GOLGA1: variants seen among roughly 807,000 people sequenced by gnomAD.
The protein encoded by GOLGA1 is golgin subfamily A member 1.
A neutral mutation model predicts 119.7 loss-of-function variants in GOLGA1; 63 were observed. The observed-to-expected ratio is 0.53, with a 90% confidence interval of 0.43 to 0.65. GOLGA1 has a LOEUF of 0.65. Among genes scored for constraint, GOLGA1 ranks in the 30% least tolerant of loss-of-function variants. GOLGA1 has a pLI of 0.00. For synonymous variants in GOLGA1, 318 were observed against 333.4 expected (o/e 0.95, Z 0.50); for missense variants, 798 against 912.8 (o/e 0.87, Z 1.62).
Position 124,889,254 on chromosome 9 carries a change from C to T in GOLGA1, c.1650G>A (p.Glu550=), listed in dbSNP as rs1829799686. 6.2e-7 allele frequency: 1 copy of T among 1,613,886 alleles called. No individual in the cohort carries two copies. The stretch of plus-strand genomic sequence containing the variant: ...CCTCCGCCTTGAGGGTCCTCAGGGC[C>T]TCCAGCTCGGCCTGCAGCTGGTGTA... ...LQIHQLQAEL[E]ALRTLKAEEA... The change falls in exon 18 of 23, where the codon GAG becomes GAA. Residue 550 remains glutamate, a synonymous_variant. Transcript: ENST00000373555.
At chr9:124,897,629 C>T (rs1248646967) in intron 15 of GOLGA1, among the ~76,000 whole-genome samples, 1 of 152,212 alleles carries the variant, frequency 6.6e-6, no homozygotes, top group African/African-American at 2.4e-5. Context: ...GCGTGAGCCA[C>T]CGCACTGGCT....
intron 12 of GOLGA1, among the ~76,000 whole-genome samples, chr9:124,901,664 T>TGACCTCGTGATCCGCC (rs1185970957): frequency 2.0e-5 from 3 of 152,144 alleles, no homozygotes; most frequent in African/African-American, 7.2e-5. Context: ...CTCGATCTGC[T>TGACCTCGTGATCCGCC]GACCTCGTGA....
chr9:124,880,569 G>T lies in GOLGA1; in HGVS notation c.2265C>A (p.Ile755=), dbSNP rs1460828960. 6.2e-7 allele frequency: 1 copy of T among 1,611,442 alleles called. No individual in the cohort carries two copies. The highest frequency in any genetic ancestry group is 8.5e-7 in the Non-Finnish European group (1 of 1,177,708). Residue 755 remains isoleucine, a synonymous_variant, in exon 23 of 23, where the codon ATC becomes ATA. Transcript: ENST00000373555. ...TCCGAGGGTTTGAGATAGACGGCCG[G>T]ATGCTGCCCTTGGGAGCTGGTTTGG... ...FGSKPAPKGS[I]RPSISNPRIP...
chr9:124,890,522 T>A (rs1037741578), intron 15 of GOLGA1, 44 bp from the exon 16 acceptor site: 1 of 1,438,542 alleles, frequency 7.0e-7, no homozygotes, highest in Non-Finnish European at 9.8e-7. Flanking sequence ...TAGTTCACAG[T>A]TTTTTAGCTG....
intron 10 of GOLGA1, among the ~76,000 whole-genome samples, chr9:124,914,558 T>C (rs1830404130): frequency 6.6e-6 from 1 of 152,060 alleles, no homozygotes; most frequent in Admixed American, 6.6e-5. Context: ...TGGAGAACAT[T>C]ACCTGATTTC....
At chr9:124,909,376 C>G (rs914598139) in intron 11 of GOLGA1, among the ~76,000 whole-genome samples, 1 of 151,114 alleles carries the variant, frequency 6.6e-6, no homozygotes, top group Non-Finnish European at 1.5e-5. Context: ...GGGAAGCCGA[C>G]GTGGACAGAT....
At chr9:124,938,501 T>G in intron 3 of GOLGA1, 76 bp downstream of exon 3, 1 of 1,221,786 alleles carries the variant, frequency 8.2e-7, no homozygotes, top group Non-Finnish European at 1.2e-6. Context: ...AGGTATGAAA[T>G]AATCAAGCAA....
chr9:124,926,747 A>C lies in GOLGA1; in HGVS notation c.400-6T>G. The C allele has an allele frequency of 6.5e-7, 1 of 1,533,590 alleles. No individual in the cohort carries two copies. The highest frequency in any genetic ancestry group is 9.0e-7 in the Non-Finnish European group (1 of 1,115,308). The allele number at this position is 1,533,590 out of a possible 1,614,324, so 95.0% of individuals were successfully genotyped here. On this transcript the variant is annotated splice_region_variant and splice_polypyrimidine_tract_variant and intron_variant, in intron 6 of 22. Transcript: ENST00000373555. ...TCCATCTTTTCTGACCATTCCTAAA[A>C]CAAAACAATAAAAAAGTATGGTTTC...
In GOLGA1 at chr9:124,881,834, C is replaced by T. The variant is rs1378718324; in HGVS notation, c.2086G>A (p.Glu696Lys). The change falls in exon 21 of 23, where the codon GAG becomes AAG. Residue 696 changes from glutamate to lysine, a missense_variant. Physicochemically the swap from Glu to Lys is moderately conservative, Grantham distance 56. Coordinates refer to ENST00000373555, the MANE Select transcript of GOLGA1 (RefSeq NM_002077.4). This position sits in a 1 kb window ranked among gnomAD's most constrained non-coding sequence, Gnocchi z 4.9. ...DLTDAREINF[E>K]YLKHVVLKFM... ...TTTAAAACCACATGTTTAAGGTACT[C>T]AAAGTTGATCTCGCGGGCATCTGTC... The T allele has an allele frequency of 1.9e-6, 3 of 1,613,256 alleles. No homozygotes were observed. The highest frequency in any genetic ancestry group is 1.7e-5 in the Admixed American group (1 of 59,804).
At chr9:124,914,328 T>A (rs1469440259) in intron 10 of GOLGA1, among the ~76,000 whole-genome samples, 3 of 151,990 alleles carry the variant, frequency 2.0e-5, no homozygotes, top group African/African-American at 7.3e-5. Flanking sequence ...AAACCCCATC[T>A]CTACTAAAAA....
At chr9:124,919,506 A>G (rs369673709) in intron 10 of GOLGA1, among the ~76,000 whole-genome samples, 10 of 152,232 alleles carry the variant, frequency 6.6e-5, no homozygotes, top group Admixed American at 6.5e-4. Flanking sequence ...GTGCAGTAGA[A>G]TAAGCATGAG....
Position 124,880,242 on chromosome 9 carries a change from A to C in GOLGA1, c.*288T>G. The C allele has an allele frequency of 3.7e-6, 1 of 273,368 alleles. No homozygotes were observed. The highest frequency in any genetic ancestry group is 7.3e-6 in the Non-Finnish European group (1 of 137,564). 16.9% of individuals were successfully genotyped at this position (273,368 alleles called of 1,614,324 possible). On this transcript the variant is annotated 3_prime_UTR_variant, in exon 23 of 23. Transcript: ENST00000373555. ...GTAAGTGCTACCGTGAAGTTAGAGG[A>C]TTCAGGTGCAGATGGGGTGCTGGCT...
At chr9:124,922,014 G>A in intron 8 of GOLGA1, 122 bp from the exon 9 acceptor site, 1 of 790,898 alleles carries the variant, frequency 1.3e-6, no homozygotes, top group Non-Finnish European at 2.1e-6. Context: ...GATCACTTGA[G>A]GTCAGGAGTT....
At position 124,888,665 on chromosome 9, in the gene GOLGA1, C is replaced by T. The variant is rs1829781829; in HGVS notation, c.1762-269G>A. On this transcript the variant is annotated intron_variant, in intron 18 of 22. Transcript: ENST00000373555. This position sits in a 1 kb window ranked among gnomAD's most constrained non-coding sequence, Gnocchi z 4.4. ...TGATGGGCTCTTCAGGACTCATGGC[C>T]TCCTAGCCATATGAGTGCCCTACTT... Among the ~76,000 whole-genome samples the T allele has an allele frequency of 1.3e-5, 2 of 152,136 alleles. No homozygotes were observed. The highest frequency in any genetic ancestry group is 6.5e-5 in the Admixed American group (1 of 15,272).
rs758320658 is a variant in GOLGA1 at position 124,921,746 on chromosome 9, G to C, written c.708C>G (p.His236Gln). Residue 236 changes from histidine to glutamine, a missense_variant, in exon 9 of 23, where the codon CAC becomes CAG. Transcript: ENST00000373555. ...ACCTCTGCTCTTCCAGCGTTGAGTA[G>C]TGTCTCTGCAATTCTTCTAGCTTCT... ...LSQKLEELQR[H>Q]YSTLEEQRDH... 10 of 1,613,754 alleles carry C rather than the reference G, an allele frequency of 6.2e-6. No homozygotes were observed. The highest frequency in any genetic ancestry group is 1.3e-5 in the African/African-American group (1 of 74,922).
chr9:124,921,787 A>C lies in GOLGA1; in HGVS notation c.667T>G (p.Ser223Ala). Residue 223 changes from serine (S) to alanine (A), a missense_variant, in exon 9 of 23, where the codon TCA (serine) becomes GCA (alanine). Ser to Ala is a moderately conservative substitution (Grantham distance 99). Transcript: ENST00000373555. ...QEELMNSNQM[S>A]SDLSQKLEEL... Reference sequence around the variant, plus strand: ...TCTAGCTTCTGGCTTAAGTCTGATGACATCTGATTGGAGTTCATCAACTCC... The same window carrying C: ...TCTAGCTTCTGGCTTAAGTCTGATGCCATCTGATTGGAGTTCATCAACTCC... The C allele has an allele frequency of 6.2e-7, 1 of 1,613,494 alleles. No homozygotes were observed. The highest frequency in any genetic ancestry group is 1.1e-5 in the South Asian group (1 of 91,074).
chr9:124,921,277 A>C, intron 9 of GOLGA1, 37 bp from the exon 10 acceptor site: 1 of 1,190,466 alleles, frequency 8.4e-7, no homozygotes, highest in Non-Finnish European at 1.3e-6. Flanking sequence ...ACAAATTTGG[A>C]TATCTCATCT....
chr9:124,885,484 CAAAAA>C (rs34466889), intron 19 of GOLGA1, among the ~76,000 whole-genome samples: 2 of 97,912 alleles, frequency 2.0e-5, no homozygotes, highest in Non-Finnish European at 2.1e-5. Context: ...GACTCTGTCT[CAAAAA>C]AAAAAAAAAA....
chr9:124,931,505 T>C, intron 3 of GOLGA1, 99 bp from the exon 4 acceptor site: 1 of 706,140 alleles, frequency 1.4e-6, no homozygotes, highest in Non-Finnish European at 2.6e-6. Flanking sequence ...TGGTTACACT[T>C]TAATTAATTG....
Sources: gnomAD v4.1 joint callset for allele counts (sites outside exome capture counted in the v4.1 genomes callset) on GRCh38, gnomAD v4.1.1 for gene constraint, Gnocchi (gnomAD v3.1) non-coding constraint, MANE v1.5 for transcripts, NCBI Gene and HGNC (gene_info 2026-07-23, HGNC 2026-07-21) for gene names.